The following NKAIN3 variants were observed in gnomAD, a reference collection of about 807,000 sequenced individuals.
NKAIN3 encodes sodium/potassium transporting ATPase interacting 3, also known as sodium/potassium-transporting ATPase subunit beta-1-interacting protein 3.
A neutral mutation model predicts 30.2 loss-of-function variants in NKAIN3; 25 were observed. The ratio of observed to expected loss-of-function variants is 0.83; its 90% confidence interval spans 0.60 to 1.16. NKAIN3 has a LOEUF of 1.16. Ranked by LOEUF, NKAIN3 falls within the 50% of genes most tolerant of loss-of-function variation. The pLI is 0.00. For synonymous variants in NKAIN3, 91 were observed against 89.6 expected (o/e 1.02, Z -0.09); for missense variants, 225 against 254.1 (o/e 0.89, Z 0.78).
intron 1 of NKAIN3, among the ~76,000 whole-genome samples, chr8:62,407,274 T>A (rs1468686223): frequency 6.6e-6 from 1 of 151,782 alleles, no homozygotes; most frequent in Non-Finnish European, 1.5e-5. Context: ...ACAAAAATTA[T>A]ATGTATATGT....
chr8:62,704,836 G>A (rs915585156), intron 3 of NKAIN3, among the ~76,000 whole-genome samples: 5 of 136,006 alleles, frequency 3.7e-5, no homozygotes, highest in East Asian at 1.9e-4. Context: ...TAGTGTTGGC[G>A]CTAGAGCATA....
chr8:62,672,558 A>T (rs1455446472), intron 3 of NKAIN3, among the ~76,000 whole-genome samples: 2 of 152,212 alleles, frequency 1.3e-5, no homozygotes, highest in African/African-American at 4.8e-5. Context: ...TTTATATTTC[A>T]AATATTTATG....
At chr8:62,459,034 TAG>T (rs1187818612) in intron 1 of NKAIN3, among the ~76,000 whole-genome samples, 2 of 145,016 alleles carry the variant, frequency 1.4e-5, no homozygotes, top group Admixed American at 7.0e-5. Flanking sequence ...GAGAAAAAGG[TAG>T]AGTTTATGTG....
At chr8:62,777,547 A>G (rs1817228129) in intron 4 of NKAIN3, among the ~76,000 whole-genome samples, 1 of 152,040 alleles carries the variant, frequency 6.6e-6, no homozygotes, top group Admixed American at 6.6e-5. Context: ...GATTATTCTT[A>G]AGTATTTCAG....
At chr8:62,926,650 A>T (rs969355842) in intron 5 of NKAIN3, among the ~76,000 whole-genome samples, 3 of 152,110 alleles carry the variant, frequency 2.0e-5, no homozygotes, top group African/African-American at 7.2e-5. Flanking sequence ...AGGCCCAAAG[A>T]GGCAATGTGA....
chr8:62,367,759 G>A (rs1816782586), intron 1 of NKAIN3, among the ~76,000 whole-genome samples: 2 of 152,140 alleles, frequency 1.3e-5, no homozygotes, highest in African/African-American at 4.8e-5. Context: ...GCAAGAGAGA[G>A]AAATAAAAGA....
intron 4 of NKAIN3, among the ~76,000 whole-genome samples, chr8:62,748,323 T>C (rs1461331266): frequency 6.6e-6 from 1 of 152,022 alleles, no homozygotes; most frequent in Non-Finnish European, 1.5e-5. Context: ...CTCCTGCACA[T>C]GCACATGGCT....
At chr8:62,672,626 G>T (rs965944456) in intron 3 of NKAIN3, among the ~76,000 whole-genome samples, 2 of 152,198 alleles carry the variant, frequency 1.3e-5, no homozygotes, top group Non-Finnish European at 2.9e-5. Context: ...GAGTGGATGA[G>T]TCCTTGATCA....
intron 4 of NKAIN3, chr8:62,863,900 C>T: frequency 7.5e-7 from 1 of 1,327,004 alleles, no homozygotes; most frequent in Non-Finnish European, 1.1e-6. Flanking sequence ...ATCATCTGAT[C>T]CAGGATCTCC....
At chr8:62,889,273 G>A (rs1821231827) in intron 4 of NKAIN3, among the ~76,000 whole-genome samples, 1 of 152,056 alleles carries the variant, frequency 6.6e-6, no homozygotes, top group Non-Finnish European at 1.5e-5. Flanking sequence ...AGGAGGCTGA[G>A]GCAGGAGAAT....
chr8:62,573,175 C>T (rs757633241), intron 1 of NKAIN3, among the ~76,000 whole-genome samples: 1 of 152,138 alleles, frequency 6.6e-6, no homozygotes, highest in Non-Finnish European at 1.5e-5. Flanking sequence ...TCCAACCTCT[C>T]TTAGATATAC....
chr8:62,500,449 GAAAGAA>G (rs1807395518), intron 1 of NKAIN3, among the ~76,000 whole-genome samples: 2 of 116,336 alleles, frequency 1.7e-5, no homozygotes. Flanking sequence ...AAGAAAGAAA[GAAAGAA>G]AGAAAGAAAG....
intron 1 of NKAIN3, among the ~76,000 whole-genome samples, chr8:62,500,474 AAAGAAAGAAAG>A (rs1554540130): frequency 6.9e-6 from 1 of 145,192 alleles, no homozygotes; most frequent in African/African-American, 2.6e-5. Context: ...AGAAAGAAAG[AAAGAAAGAAAG>A]AAGAAAAGAA....
intron 1 of NKAIN3, among the ~76,000 whole-genome samples, chr8:62,283,733 C>A (rs181557921): frequency 5.7e-4 from 86 of 152,170 alleles, no homozygotes; most frequent in Non-Finnish European, 7.8e-4. Context: ...TTTCTTCCAT[C>A]TTCTTTGCAC....
chr8:62,862,519 A>G (rs1440618185), intron 4 of NKAIN3, among the ~76,000 whole-genome samples: 1 of 152,142 alleles, frequency 6.6e-6, no homozygotes, highest in African/African-American at 2.4e-5. Flanking sequence ...AAACATTTTC[A>G]GGGACAAAAA....
intron 1 of NKAIN3, among the ~76,000 whole-genome samples, chr8:62,548,544 C>T (rs374335939): frequency 6.6e-5 from 10 of 152,138 alleles, no homozygotes; most frequent in African/African-American, 2.4e-4. Flanking sequence ...GAGTCCTGGG[C>T]ACCTTTAAGT....
intron 1 of NKAIN3, among the ~76,000 whole-genome samples, chr8:62,374,113 C>CAAA (rs66521184): frequency 0.022 from 1,418 of 63,732 alleles, 113 homozygotes; most frequent in African/African-American, 0.086. Flanking sequence ...ACTCCATCTC[C>CAAA]AAAAAAAAAA....
chr8:62,778,497 G>A (rs569104306), intron 4 of NKAIN3, among the ~76,000 whole-genome samples: 2 of 152,094 alleles, frequency 1.3e-5, no homozygotes, highest in South Asian at 2.1e-4. Context: ...ACTACCACAG[G>A]TTCACAACAA....
chr8:62,508,987 C>G (rs1299161678), intron 1 of NKAIN3, among the ~76,000 whole-genome samples: 2 of 149,084 alleles, frequency 1.3e-5, no homozygotes, highest in African/African-American at 5.0e-5. Context: ...CTATGGTTTC[C>G]CCAGTATGCA....
Sources: allele counts gnomAD v4.1 joint callset (sites outside exome capture counted in the v4.1 genomes callset), GRCh38; gene constraint gnomAD v4.1.1; transcripts MANE v1.5; gene names NCBI Gene and HGNC (gene_info 2026-07-23, HGNC 2026-07-21).